PRKCD: variants seen among roughly 807,000 people sequenced by gnomAD.
The protein encoded by PRKCD is protein kinase C delta.
In PRKCD, 20 loss-of-function variants were observed where a neutral mutation model predicts 82.2. The ratio of observed to expected loss-of-function variants is 0.24; its 90% confidence interval spans 0.17 to 0.35. The LOEUF (loss-of-function observed/expected upper bound fraction) is 0.35. Ranked by LOEUF, PRKCD falls within the 10% of genes least tolerant of loss-of-function variation. The pLI is 1.00. For synonymous variants in PRKCD, 317 were observed against 337.0 expected (o/e 0.94, Z 0.65); for missense variants, 607 against 899.0 (o/e 0.68, Z 4.15).
chr3:53,186,126 G>A lies in PRKCD; in HGVS notation c.1087-41G>A, dbSNP rs781820621. On this transcript the variant is annotated intron_variant, in intron 12 of 18. Coordinates refer to ENST00000330452, the MANE Select transcript of PRKCD (RefSeq NM_006254.4). ...GTCTGTGAATCGGGCTGTGGCCCCT[G>A]CCCCGTCCTCACCTGCTCAGCACCC... 5 of 1,608,780 alleles carry A rather than the reference G, an allele frequency of 3.1e-6. No individual in the cohort carries two copies. The African/African-American group carries it at 5.4e-5, about 17-fold the overall frequency.
chr3:53,183,734 C>G (rs1360829873), intron 9 of PRKCD, among the ~76,000 whole-genome samples, 153 bp downstream of exon 9: 1 of 152,232 alleles, frequency 6.6e-6, no homozygotes, highest in Non-Finnish European at 1.5e-5. Flanking sequence ...TGGACCCTCC[C>G]CACTGGCCTG....
At chr3:53,191,313 C>G (rs964780720) in intron 18 of PRKCD, among the ~76,000 whole-genome samples, 27 of 152,160 alleles carry the variant, frequency 1.8e-4, no homozygotes, top group Non-Finnish European at 4.4e-5. Flanking sequence ...GAGGCTGAGG[C>G]AGGAGAATCG....
chr3:53,182,997 G>T (rs2107267186), intron 7 of PRKCD, 124 bp from the exon 8 acceptor site: 2 of 895,746 alleles, frequency 2.2e-6, no homozygotes, highest in South Asian at 3.1e-5. Context: ...CGGGGTGAGG[G>T]TGTGGGCGGT....
At chr3:53,183,319 T>G in intron 8 of PRKCD, 113 bp downstream of exon 8, 1 of 1,557,984 alleles carries the variant, frequency 6.4e-7, no homozygotes. Flanking sequence ...CCCATTTTTC[T>G]TAGTCTTTCC....
chr3:53,183,360 G>A, intron 8 of PRKCD, 92 bp from the exon 9 acceptor site: 1 of 1,587,910 alleles, frequency 6.3e-7, no homozygotes, highest in Non-Finnish European at 8.6e-7. Context: ...CTCTTGGGAT[G>A]TTGTTGTGCC....
chr3:53,189,412 C>T (rs1224777090), intron 17 of PRKCD, among the ~76,000 whole-genome samples, 166 bp downstream of exon 17: 2 of 152,296 alleles, frequency 1.3e-5, no homozygotes, highest in Non-Finnish European at 2.9e-5. Flanking sequence ...CCAGGAACTC[C>T]TGTCTGAGTC....
At chr3:53,182,430 G>A (rs763410748) in intron 7 of PRKCD, among the ~76,000 whole-genome samples, 9 of 151,990 alleles carry the variant, frequency 5.9e-5, no homozygotes, top group African/African-American at 2.2e-4. Context: ...CACCATGCCC[G>A]GCTAATTTTT....
intron 9 of PRKCD, 71 bp from the exon 10 acceptor site, chr3:53,184,803 G>A (rs954750952): frequency 2.1e-5 from 28 of 1,320,300 alleles, no homozygotes; most frequent in East Asian, 9.3e-5. Context: ...GCTCTCCTGC[G>A]CCTCTCCTAC....
rs539841676 is a variant in PRKCD, at chr3:53,172,248, G to A, written c.-19-6156G>A. Among the ~76,000 whole-genome samples, 531 of 152,198 alleles carry A rather than the reference G, an allele frequency of 3.5e-3. 4 individuals carry two copies. Among genetic ancestry groups the A allele is most frequent in the African/African-American group, 0.012 (506 of 41,506 alleles). On this transcript the variant is annotated intron_variant, in intron 2 of 18. Coordinates refer to ENST00000330452, the MANE Select transcript of PRKCD (RefSeq NM_006254.4). ...GTTCCTCTTGCTGAGCCCACTTCCT[G>A]GGTTGTGAAACCTGCATGGCCTCCT...
intron 11 of PRKCD, 23 bp downstream of exon 11, chr3:53,185,723 A>G: frequency 6.2e-7 from 1 of 1,609,724 alleles, no homozygotes; most frequent in South Asian, 1.1e-5. Context: ...CCATTGCCCC[A>G]TTACGGTTTT....
In PRKCD at chr3:53,184,971, C is replaced by G. The variant is rs782373708; in HGVS notation, c.885C>G (p.Thr295=). 1 of 1,613,894 alleles carries G rather than the reference C, an allele frequency of 6.2e-7. No homozygotes were observed. The highest frequency in any genetic ancestry group is 2.2e-5 in the East Asian group (1 of 44,872). Residue 295 remains threonine (T), a synonymous_variant, in exon 10 of 19, where the codon ACC becomes ACG. Coordinates refer to ENST00000330452, the MANE Select transcript of PRKCD (RefSeq NM_006254.4). The stretch of plus-strand genomic sequence containing the variant: ...TGGCTGAGGCCTTGAACCAAGTCAC[C>G]CAGGTGGGCAGGTGCCATGGGGACC... The part of the protein sequence containing the change: ...KLLAEALNQV[T]QRASRRSDSA...
intron 2 of PRKCD, among the ~76,000 whole-genome samples, chr3:53,174,745 T>A (rs1162768492): frequency 2.0e-5 from 3 of 152,062 alleles, no homozygotes; most frequent in Admixed American, 6.5e-5. Context: ...CTGGTTTTAG[T>A]CTTAGGAGGT....
At chr3:53,187,875 T>C (rs1703767106) in intron 15 of PRKCD, among the ~76,000 whole-genome samples, 1 of 152,136 alleles carries the variant, frequency 6.6e-6, no homozygotes. Flanking sequence ...TATCGAATAT[T>C]AGCATTCAGC....
At chr3:53,164,369 G>A (rs782128926) in intron 1 of PRKCD, among the ~76,000 whole-genome samples, 8 of 152,174 alleles carry the variant, frequency 5.3e-5, no homozygotes, top group Non-Finnish European at 7.3e-5. Context: ...TGGATCACTT[G>A]GTCAGGAATT....
In PRKCD at chr3:53,181,554, G is replaced by T; in HGVS notation, c.487G>T (p.Ala163Ser). 7 of 1,614,218 alleles carry T rather than the reference G, an allele frequency of 4.3e-6. No individual in the cohort carries two copies. The highest frequency in any genetic ancestry group is 5.9e-6 in the Non-Finnish European group (7 of 1,180,026). The change falls in exon 6 of 19, where the codon GCC becomes TCC. Residue 163 changes from alanine (A) to serine (S), a missense_variant. By Grantham distance (99) the Ala-to-Ser change is moderately conservative. Coordinates refer to ENST00000330452, the MANE Select transcript of PRKCD (RefSeq NM_006254.4). ...IHYIKNHEFI[A>S]TFFGQPTFCS... ...CTACATCAAGAACCATGAGTTTATCGCCACCTTCTTTGGGCAACCCACCTT... is the reference window on the plus strand; with the variant it reads ...CTACATCAAGAACCATGAGTTTATCTCCACCTTCTTTGGGCAACCCACCTT...
At position 53,189,038 on chromosome 3, in the gene PRKCD, G is replaced by C. The variant is rs2107285938; in HGVS notation, c.1555-20G>C. On this transcript the variant is annotated intron_variant, in intron 16 of 18. Transcript: ENST00000330452. ...TCAGCACCTCAGCTCCTGCTGACCTGCTGCTCTCCCCACCGCCAGATCCTA... is the reference window on the plus strand; with the variant it reads ...TCAGCACCTCAGCTCCTGCTGACCTCCTGCTCTCCCCACCGCCAGATCCTA... The C allele has an allele frequency of 6.2e-7, 1 of 1,601,260 alleles. No homozygotes were observed. Among genetic ancestry groups the C allele is most frequent in the Non-Finnish European group, 8.5e-7 (1 of 1,172,706 alleles).
chr3:53,191,673 C>A (rs1703930841), intron 18 of PRKCD, among the ~76,000 whole-genome samples: 1 of 152,224 alleles, frequency 6.6e-6, no homozygotes, highest in South Asian at 2.1e-4. Context: ...AACAAATGGG[C>A]ATGGTTGTGT....
intron 10 of PRKCD, 61 bp from the exon 11 acceptor site, chr3:53,185,543 T>C (rs1559628564): frequency 9.1e-6 from 13 of 1,426,098 alleles, no homozygotes; most frequent in Non-Finnish European, 4.9e-6. Flanking sequence ...GTCTTCCTTC[T>C]GGGCTGGGAG....
At chr3:53,177,451 T>C (rs1473491834) in intron 2 of PRKCD, among the ~76,000 whole-genome samples, 1 of 152,196 alleles carries the variant, frequency 6.6e-6, no homozygotes, top group Admixed American at 6.5e-5. Flanking sequence ...GCCAAGTTAG[T>C]GGAATGTCAG....
Sources: allele counts gnomAD v4.1 joint callset (sites outside exome capture counted in the v4.1 genomes callset), GRCh38; gene constraint gnomAD v4.1.1; transcripts MANE v1.5; gene names NCBI Gene and HGNC (gene_info 2026-07-23, HGNC 2026-07-21).